Variants in CPQ observed in about 807,000 individuals in gnomAD.
The protein encoded by CPQ is carboxypeptidase Q, also known as Ser-Met dipeptidase.
CPQ carries 37 observed loss-of-function variants against 45.7 expected under a neutral mutation model. That is an observed-to-expected ratio of 0.81 (90% CI 0.62 to 1.07). The LOEUF (loss-of-function observed/expected upper bound fraction) is 1.07. Among genes scored for constraint, CPQ ranks in the 50% least tolerant of loss-of-function variants. The pLI is 0.00. For missense variants in CPQ, 537 were observed against 572.9 expected (o/e 0.94, Z 0.64); for synonymous variants, 186 against 205.8 (o/e 0.90, Z 0.82).
intron 7 of CPQ, among the ~76,000 whole-genome samples, chr8:97,086,979 C>T (rs534823255): frequency 6.6e-6 from 1 of 152,282 alleles, no homozygotes; most frequent in South Asian, 2.1e-4. Context: ...CAACTGATCC[C>T]CAAACAGAGG....
intron 7 of CPQ, among the ~76,000 whole-genome samples, chr8:97,128,688 A>T (rs1310036599): frequency 6.6e-6 from 1 of 152,188 alleles, no homozygotes; most frequent in Non-Finnish European, 1.5e-5. Flanking sequence ...CTGTCTCAAA[A>T]AAACAAACAA....
chr8:96,999,277 G>T (rs1020623305), intron 5 of CPQ, among the ~76,000 whole-genome samples: 1 of 151,150 alleles, frequency 6.6e-6, no homozygotes, highest in Non-Finnish European at 1.5e-5. Context: ...TACAGGTGCA[G>T]GTTTGTTACC....
intron 6 of CPQ, among the ~76,000 whole-genome samples, chr8:97,058,717 G>A (rs1810496052): frequency 6.6e-6 from 1 of 152,114 alleles, no homozygotes; most frequent in African/African-American, 2.4e-5. Flanking sequence ...TGAAATGAAC[G>A]TGAAACCAGT....
intron 3 of CPQ, among the ~76,000 whole-genome samples, chr8:96,855,469 C>T (rs187215943): frequency 6.6e-6 from 1 of 152,306 alleles, no homozygotes; most frequent in East Asian, 1.9e-4. Context: ...GGGGGATTAG[C>T]TTCCAAACTA....
At chr8:96,757,354 GATAATAATAATAATAATAATAATA>G (rs3036414) in intron 1 of CPQ, among the ~76,000 whole-genome samples, 4 of 139,402 alleles carry the variant, frequency 2.9e-5, no homozygotes, top group South Asian at 2.3e-4. Flanking sequence ...CCATCTCAAT[GATAATAATAATAATAATAATAATA>G]ATAATAATAA....
intron 2 of CPQ, among the ~76,000 whole-genome samples, chr8:96,833,296 AAAAACAAAAC>A (rs566102546): frequency 6.6e-5 from 10 of 152,020 alleles, no homozygotes; most frequent in African/African-American, 2.2e-4. Context: ...CTTGTTTGTT[AAAAACAAAAC>A]AAAACAAAAC....
rs190293412 is a variant in CPQ, at chr8:96,719,938, C to T, written c.-34-64926C>T. Among the ~76,000 whole-genome samples the T allele has an allele frequency of 3.3e-3, 495 of 152,272 alleles. 4 individuals carry two copies. Among genetic ancestry groups the T allele is most frequent in the Middle Eastern group, 0.02 (6 of 294 alleles). ...ATTCAGGGGACTTACGGTTTTCTGC[C>T]TGGCTCATGGTGTAGGCTGAAGCCT... On this transcript the variant is annotated intron_variant, in intron 1 of 7. Transcript: ENST00000220763.
chr8:96,731,865 A>G (rs189756732), intron 1 of CPQ, among the ~76,000 whole-genome samples: 27 of 152,220 alleles, frequency 1.8e-4, no homozygotes, highest in Admixed American at 5.2e-4. Flanking sequence ...TTTTGTTCCA[A>G]TATGGTTAAA....
chr8:96,927,281 G>A (rs1330367679), intron 4 of CPQ, among the ~76,000 whole-genome samples: 1 of 152,178 alleles, frequency 6.6e-6, no homozygotes, highest in African/African-American at 2.4e-5. Context: ...GTTTTTAGGG[G>A]AAAGATAAAC....
rs574824706 is a variant in CPQ, at chr8:96,687,558, C to CT, written c.-35+42163dup. ...TTTCACTTTTTATGTTTATTAATTT[C>CT]TTTTTTTCTATTTTCCTGTTTTTCA... On this transcript the variant is annotated intron_variant, in intron 1 of 7. Transcript: ENST00000220763. 8.5e-5 allele frequency among the ~76,000 whole-genome samples: 13 copies of CT among 152,114 alleles called. No individual in the cohort carries two copies. The East Asian group carries it at 2.3e-3, about 27-fold the overall frequency.
Position 96,723,030 on chromosome 8 carries a change from G to T in CPQ, c.-34-61834G>T, listed in dbSNP as rs142116652. Among the ~76,000 whole-genome samples the T allele has an allele frequency of 1.7e-3, 266 of 152,254 alleles. 2 individuals are homozygous for T. Among genetic ancestry groups the T allele is most frequent in the African/African-American group, 6.0e-3 (251 of 41,546 alleles). On this transcript the variant is annotated intron_variant, in intron 1 of 7. Coordinates refer to ENST00000220763, the MANE Select transcript of CPQ (RefSeq NM_016134.4). ...TGCCATAGAAAGATTGCCTTAAAATGATTAAATGCTTGTTTTTTGGGGAAA... is the reference window on the plus strand; with the variant it reads ...TGCCATAGAAAGATTGCCTTAAAATTATTAAATGCTTGTTTTTTGGGGAAA...
At chr8:96,768,657 G>A (rs1238806037) in intron 1 of CPQ, among the ~76,000 whole-genome samples, 1 of 152,198 alleles carries the variant, frequency 6.6e-6, no homozygotes, top group Non-Finnish European at 1.5e-5. Flanking sequence ...CTTAACAGCT[G>A]TTTAGTGAAG....
At chr8:97,095,249 T>G (rs527940805) in intron 7 of CPQ, among the ~76,000 whole-genome samples, 57 of 152,134 alleles carry the variant, frequency 3.7e-4, no homozygotes, top group Non-Finnish European at 6.2e-4. Context: ...AAATTCAACA[T>G]GTCTGAAGCC....
Position 96,835,126 on chromosome 8 carries a change from A to G in CPQ, c.587A>G (p.Lys196Arg). ...YRTQGAVEAA[K>R]VGALASLIRS... ...ACGCAGGGGGCGGTGGAAGCTGCCA[A>G]GGTGGGGGCTTTGGCATCTCTCATT... The change falls in exon 3 of 8, where the codon AAG becomes AGG. Residue 196 changes from lysine to arginine, a missense_variant. Coordinates refer to ENST00000220763, the MANE Select transcript of CPQ (RefSeq NM_016134.4). The G allele has an allele frequency of 3.1e-6, 5 of 1,589,178 alleles. No homozygotes were observed. The highest frequency in any genetic ancestry group is 2.3e-5 in the South Asian group (2 of 88,438).
intron 1 of CPQ, among the ~76,000 whole-genome samples, chr8:96,741,732 A>G (rs1810095125): frequency 2.0e-5 from 3 of 151,064 alleles, no homozygotes; most frequent in Non-Finnish European, 4.4e-5. Flanking sequence ...TTCGTTATGT[A>G]CCCAGTAGTC....
chr8:96,734,888 A>G (rs897746167), intron 1 of CPQ, among the ~76,000 whole-genome samples: 5 of 151,860 alleles, frequency 3.3e-5, no homozygotes, highest in Non-Finnish European at 5.9e-5. Flanking sequence ...TTATTTTGCT[A>G]TGCTACTCGC....
At chr8:97,025,568 C>G (rs1173534579) in intron 5 of CPQ, among the ~76,000 whole-genome samples, 1 of 152,174 alleles carries the variant, frequency 6.6e-6, no homozygotes, top group Admixed American at 6.5e-5. Context: ...CTAGGACTTT[C>G]CCTCATGTGC....
At chr8:96,859,024 T>C (rs1811893191) in intron 3 of CPQ, among the ~76,000 whole-genome samples, 1 of 152,222 alleles carries the variant, frequency 6.6e-6, no homozygotes, top group Non-Finnish European at 1.5e-5. Context: ...TTTCTAACTC[T>C]TTGTATGCCT....
At chr8:97,119,926 G>A (rs1211415154) in intron 7 of CPQ, among the ~76,000 whole-genome samples, 1 of 152,144 alleles carries the variant, frequency 6.6e-6, no homozygotes, top group African/African-American at 2.4e-5. Flanking sequence ...GGGCCTTCTG[G>A]GCACATGAGG....
Sources: allele counts gnomAD v4.1 joint callset (sites outside exome capture counted in the v4.1 genomes callset), GRCh38; gene constraint gnomAD v4.1.1; transcripts MANE v1.5; gene names NCBI Gene and HGNC (gene_info 2026-07-23, HGNC 2026-07-21).